NTM: variants seen among roughly 807,000 people sequenced by gnomAD.
NTM encodes the protein neurotrimin.
In NTM, 13 loss-of-function variants were observed where a neutral mutation model predicts 42.1. That is an observed-to-expected ratio of 0.31 (90% CI 0.20 to 0.49). The LOEUF (loss-of-function observed/expected upper bound fraction) is 0.49. NTM is among the 20% of genes least tolerant of loss of function. NTM has a pLI of 0.99. For missense variants in NTM, 373 were observed against 452.8 expected (o/e 0.82, Z 1.60); for synonymous variants, 187 against 179.2 (o/e 1.04, Z -0.35).
At chr11:131,701,443 C>A (rs2076063211) in intron 1 of NTM, among the ~76,000 whole-genome samples, 1 of 152,246 alleles carries the variant, frequency 6.6e-6, no homozygotes, top group South Asian at 2.1e-4. Context: ...TAATTGGCTG[C>A]CCTAGAAGCA....
At chr11:131,976,163 C>CCTTT (rs1178906450) in intron 2 of NTM, among the ~76,000 whole-genome samples, 4 of 128,304 alleles carry the variant, frequency 3.1e-5, no homozygotes, top group African/African-American at 1.1e-4. Flanking sequence ...TTCCTTTCTT[C>CCTTT]CTTCCTTCCT....
At chr11:131,827,251 A>G (rs1224762503) in intron 1 of NTM, among the ~76,000 whole-genome samples, 1 of 152,244 alleles carries the variant, frequency 6.6e-6, no homozygotes, top group Non-Finnish European at 1.5e-5. Context: ...CACAATAGGA[A>G]ATAAAAGGAG....
At chr11:132,096,481 G>GATTGAATGACTCACTTAGT (rs2061006219) in intron 2 of NTM, among the ~76,000 whole-genome samples, 1 of 152,148 alleles carries the variant, frequency 6.6e-6, no homozygotes, top group African/African-American at 2.4e-5. Context: ...AGAACCCCAA[G>GATTGAATGACTCACTTAGT]ATTGAATGAC....
chr11:132,167,135 T>C (rs1050434207), intron 3 of NTM, among the ~76,000 whole-genome samples: 6 of 152,266 alleles, frequency 3.9e-5, no homozygotes, highest in African/African-American at 1.4e-4. Context: ...TAGCGCTTGC[T>C]GTATGCCAGT....
chr11:131,704,570 C>G (rs998792902), intron 1 of NTM, among the ~76,000 whole-genome samples: 2 of 152,180 alleles, frequency 1.3e-5, no homozygotes, highest in East Asian at 3.9e-4. Flanking sequence ...CCACAAGGAT[C>G]ACAAATAATC....
At chr11:131,890,170 CTCTCTCTG>C (rs1209834864) in intron 1 of NTM, among the ~76,000 whole-genome samples, 2 of 148,866 alleles carry the variant, frequency 1.3e-5, no homozygotes, top group Non-Finnish European at 3.0e-5. Flanking sequence ...CTCTCTCTCT[CTCTCTCTG>C]TCTCTCTCTC....
chr11:131,542,340 G>C (rs1217076832), intron 1 of NTM, among the ~76,000 whole-genome samples: 1 of 152,202 alleles, frequency 6.6e-6, no homozygotes, highest in Non-Finnish European at 1.5e-5. Context: ...GACAAGAAGA[G>C]AGAAATGAGC....
At chr11:132,107,661 T>G (rs1027711543) in intron 2 of NTM, among the ~76,000 whole-genome samples, 5 of 152,256 alleles carry the variant, frequency 3.3e-5, no homozygotes, top group Middle Eastern at 3.4e-3. Flanking sequence ...TGAGCCACTG[T>G]GCCTGACTTT....
intron 2 of NTM, among the ~76,000 whole-genome samples, chr11:132,056,894 C>T (rs940723298): frequency 6.6e-6 from 1 of 152,158 alleles, no homozygotes; most frequent in African/African-American, 2.4e-5. Context: ...TTGTGTGTCG[C>T]CTTGATGAAT....
chr11:131,432,766 C>T (rs1056370386), intron 1 of NTM, among the ~76,000 whole-genome samples: 1 of 149,840 alleles, frequency 6.7e-6, no homozygotes, highest in African/African-American at 2.5e-5. Context: ...CCAGATTTCT[C>T]AGTAATGTGT....
At chr11:131,746,537 T>TA (rs1275836945) in intron 1 of NTM, among the ~76,000 whole-genome samples, 1 of 152,192 alleles carries the variant, frequency 6.6e-6, no homozygotes, top group African/African-American at 2.4e-5. Flanking sequence ...TCTTGATCCT[T>TA]ACGGTATAAT....
chr11:131,823,519 A>G (rs765065415), intron 1 of NTM, among the ~76,000 whole-genome samples: 28 of 152,196 alleles, frequency 1.8e-4, no homozygotes, highest in Admixed American at 1.6e-3. Context: ...CATTCTAATT[A>G]ATAAGTTCTA....
chr11:131,612,869 C>T (rs2061574538), intron 1 of NTM, among the ~76,000 whole-genome samples: 1 of 152,226 alleles, frequency 6.6e-6, no homozygotes, highest in Non-Finnish European at 1.5e-5. Flanking sequence ...CCGGGTCCCT[C>T]TGTGGCCTGG....
At chr11:132,233,392 C>G (rs1331521110) in intron 4 of NTM, among the ~76,000 whole-genome samples, 1 of 152,164 alleles carries the variant, frequency 6.6e-6, no homozygotes, top group East Asian at 1.9e-4. Flanking sequence ...TGCACTACAG[C>G]CAGGATGAAA....
At chr11:132,138,040 C>T (rs957341132) in intron 2 of NTM, among the ~76,000 whole-genome samples, 1 of 152,204 alleles carries the variant, frequency 6.6e-6, no homozygotes, top group African/African-American at 2.4e-5. Context: ...TTTGCTCATG[C>T]TCCTCCTACT....
intron 1 of NTM, chr11:131,794,519 G>T: frequency 2.0e-6 from 2 of 984,588 alleles, no homozygotes; most frequent in Non-Finnish European, 2.4e-6. Flanking sequence ...AAGAAAGAAA[G>T]AATTTTACTC....
chr11:131,980,720 C>G (rs2065095310), intron 2 of NTM, among the ~76,000 whole-genome samples: 2 of 152,100 alleles, frequency 1.3e-5, no homozygotes, highest in African/African-American at 2.4e-5. Flanking sequence ...ATAGAAAAAG[C>G]TTTGATGTGG....
intron 1 of NTM, among the ~76,000 whole-genome samples, chr11:131,754,680 C>A (rs933919137): frequency 4.5e-4 from 69 of 151,730 alleles, no homozygotes; most frequent in Admixed American, 1.4e-3. Context: ...CATTTCACAT[C>A]TTGGTATTTG....
chr11:131,654,465 T>C (rs2066916982), intron 1 of NTM, among the ~76,000 whole-genome samples: 1 of 152,030 alleles, frequency 6.6e-6, no homozygotes, highest in African/African-American at 2.4e-5. Flanking sequence ...GTCTCAGGGT[T>C]CCATCTAATG....
Sources: gnomAD v4.1 joint callset for allele counts (sites outside exome capture counted in the v4.1 genomes callset) on GRCh38, gnomAD v4.1.1 for gene constraint, MANE v1.5 for transcripts, NCBI Gene and HGNC (gene_info 2026-07-23, HGNC 2026-07-21) for gene names.